Variants in NELL2 observed in about 807,000 individuals in gnomAD.
NELL2 encodes neural EGFL like 2.
A neutral mutation model predicts 109.6 loss-of-function variants in NELL2; 41 were observed. That is an observed-to-expected ratio of 0.37 (90% CI 0.29 to 0.49). NELL2 has a LOEUF of 0.49. Ranked by LOEUF, NELL2 falls within the 20% of genes least tolerant of loss-of-function variation. NELL2 has a pLI of 0.98. For synonymous variants in NELL2, 355 were observed against 344.7 expected (o/e 1.03, Z -0.33); for missense variants, 900 against 1,008.3 (o/e 0.89, Z 1.45).
At chr12:44,807,080 C>CA (rs1298481694) in intron 3 of NELL2, among the ~76,000 whole-genome samples, 13 of 150,056 alleles carry the variant, frequency 8.7e-5, no homozygotes, top group East Asian at 3.9e-4. Context: ...AAAACCATTT[C>CA]AAAAAAAGAA....
At chr12:44,741,722 A>G (rs1189721125) in intron 9 of NELL2, among the ~76,000 whole-genome samples, 1 of 152,200 alleles carries the variant, frequency 6.6e-6, no homozygotes, top group East Asian at 1.9e-4. Context: ...CAGCAGTCTG[A>G]GATCAAACTG....
At chr12:44,691,791 G>A (rs1302659460) in intron 12 of NELL2, among the ~76,000 whole-genome samples, 1 of 152,182 alleles carries the variant, frequency 6.6e-6, no homozygotes, top group Non-Finnish European at 1.5e-5. Context: ...TTGAGCCAAA[G>A]CCTAATCAAG....
chr12:44,693,074 TCTCA>T (rs1219582372), intron 12 of NELL2, among the ~76,000 whole-genome samples: 1 of 152,150 alleles, frequency 6.6e-6, no homozygotes, highest in Non-Finnish European at 1.5e-5. Context: ...CAGAGAAATC[TCTCA>T]TGAAAGGAAG....
intron 8 of NELL2, among the ~76,000 whole-genome samples, chr12:44,775,206 T>C (rs1285736335): frequency 2.7e-5 from 4 of 146,484 alleles, no homozygotes; most frequent in African/African-American, 1.1e-4. Context: ...AACTGTATCA[T>C]GCACACGAAC....
intron 19 of NELL2, among the ~76,000 whole-genome samples, chr12:44,516,962 A>G (rs1189944921): frequency 6.8e-6 from 1 of 147,136 alleles, no homozygotes; most frequent in Non-Finnish European, 1.5e-5. Flanking sequence ...TCTTTCAGGT[A>G]TATTTTATCA....
At chr12:44,696,898 C>T (rs1200070586) in intron 12 of NELL2, among the ~76,000 whole-genome samples, 1 of 152,148 alleles carries the variant, frequency 6.6e-6, no homozygotes, top group Non-Finnish European at 1.5e-5. Flanking sequence ...GAAGTATACA[C>T]AGATACATAT....
intron 2 of NELL2, among the ~76,000 whole-genome samples, chr12:44,819,021 C>T (rs1255312783): frequency 1.3e-5 from 2 of 152,054 alleles, no homozygotes; most frequent in African/African-American, 2.4e-5. Flanking sequence ...GGATTACAGG[C>T]GTGAGCCACC....
intron 2 of NELL2, among the ~76,000 whole-genome samples, chr12:44,860,865 A>C (rs987186724): frequency 3.3e-5 from 5 of 152,194 alleles, no homozygotes; most frequent in Non-Finnish European, 5.9e-5. Context: ...CCAAAGATTC[A>C]CATCCATTGT....
chr12:44,883,637 T>C (rs1272891629), intron 1 of NELL2, among the ~76,000 whole-genome samples: 1 of 152,046 alleles, frequency 6.6e-6, no homozygotes, highest in Admixed American at 6.5e-5. Context: ...AATGGAGTTT[T>C]AACATATGTA....
chr12:44,771,293 C>A (rs1218318379), intron 9 of NELL2, among the ~76,000 whole-genome samples: 2 of 151,374 alleles, frequency 1.3e-5, no homozygotes, highest in East Asian at 3.9e-4. Flanking sequence ...GTGAGCTTAG[C>A]AACTGGTCGA....
At chr12:44,790,688 G>A (rs532155673) in intron 3 of NELL2, among the ~76,000 whole-genome samples, 3 of 151,436 alleles carry the variant, frequency 2.0e-5, no homozygotes, top group Non-Finnish European at 4.4e-5. Context: ...AATGTAAATG[G>A]CCTAAATGCT....
chr12:44,656,028 G>C (rs1408380190), intron 13 of NELL2, among the ~76,000 whole-genome samples: 2 of 152,188 alleles, frequency 1.3e-5, no homozygotes, highest in African/African-American at 2.4e-5. Context: ...ATGGCAACTA[G>C]TGGCCAGATG....
At chr12:44,826,231 C>T (rs2136709256) in intron 2 of NELL2, among the ~76,000 whole-genome samples, 1 of 151,992 alleles carries the variant, frequency 6.6e-6, no homozygotes, top group East Asian at 1.9e-4. Flanking sequence ...GTAGAAACCC[C>T]CATATAACCA....
At chr12:44,802,208 G>A (rs984595086) in intron 3 of NELL2, among the ~76,000 whole-genome samples, 2 of 152,072 alleles carry the variant, frequency 1.3e-5, no homozygotes, top group Non-Finnish European at 2.9e-5. Context: ...ACTGGAGGTT[G>A]AAAAGATTCT....
At chr12:44,578,302 C>A in intron 15 of NELL2, among the ~76,000 whole-genome samples, 1 of 151,252 alleles carries the variant, frequency 6.6e-6, no homozygotes, top group Non-Finnish European at 1.5e-5. Context: ...TATATACAAA[C>A]AAAACATATA....
intron 13 of NELL2, among the ~76,000 whole-genome samples, chr12:44,636,502 A>T (rs1160477349): frequency 6.6e-6 from 1 of 152,128 alleles, no homozygotes; most frequent in African/African-American, 2.4e-5. Context: ...AGGGGTGTTA[A>T]ATTTTATCAA....
chr12:44,742,956 C>G (rs1446460175), intron 9 of NELL2, among the ~76,000 whole-genome samples: 1 of 152,074 alleles, frequency 6.6e-6, no homozygotes, highest in Admixed American at 6.5e-5. Context: ...GAGAACGCCA[C>G]AAAGATACTT....
intron 2 of NELL2, among the ~76,000 whole-genome samples, chr12:44,870,174 C>T (rs1467805973): frequency 2.6e-5 from 4 of 152,172 alleles, no homozygotes; most frequent in Admixed American, 6.5e-5. Context: ...CTAACCAATG[C>T]TCGCTTATGA....
chr12:44,896,322 G>A (rs886927100), intron 1 of NELL2, among the ~76,000 whole-genome samples: 1 of 152,144 alleles, frequency 6.6e-6, no homozygotes, highest in African/African-American at 2.4e-5. Flanking sequence ...AAGATATCCA[G>A]CTGAGGTAAG....
Sources: gnomAD v4.1 joint callset for allele counts (sites outside exome capture counted in the v4.1 genomes callset) on GRCh38, gnomAD v4.1.1 for gene constraint, MANE v1.5 for transcripts, NCBI Gene and HGNC (gene_info 2026-07-23, HGNC 2026-07-21) for gene names.